The following TMEM218 variants were observed in gnomAD, a reference collection of about 807,000 sequenced individuals.
TMEM218 encodes the protein transmembrane protein 218.
TMEM218 carries 8 observed loss-of-function variants against 10.0 expected under a neutral mutation model. The ratio of observed to expected loss-of-function variants is 0.80; its 90% confidence interval spans 0.47 to 1.44. The LOEUF (loss-of-function observed/expected upper bound fraction) is 1.44. Among genes scored for constraint, TMEM218 ranks in the 40% most tolerant of loss-of-function variants. The pLI, the probability that TMEM218 is intolerant of heterozygous loss-of-function variation, is 0.00. For missense variants in TMEM218, 110 were observed against 140.1 expected (o/e 0.79, Z 1.08); for synonymous variants, 66 against 63.5 (o/e 1.04, Z -0.18).
rs1294729649 is a variant in TMEM218 at position 125,095,819 on chromosome 11, C to A, written c.*1787G>T. Among the ~76,000 whole-genome samples, 1 of 152,152 alleles carries A rather than the reference C, an allele frequency of 6.6e-6. No homozygotes were observed. The highest frequency in any genetic ancestry group is 1.5e-5 in the Non-Finnish European group (1 of 68,028). On this transcript the variant is annotated 3_prime_UTR_variant, in exon 5 of 5. Coordinates refer to ENST00000682305, the MANE Select transcript of TMEM218 (RefSeq NM_001258244.2). Reference sequence around the variant, plus strand: ...ATCCATTGATCTAATAGTTGAATAACTTTTGGGGGGAATAAAAAAGATGGA... The same window carrying A: ...ATCCATTGATCTAATAGTTGAATAAATTTTGGGGGGAATAAAAAAGATGGA...
chr11:125,097,812 G>C (rs1949890960), intron 4 of TMEM218, 72 bp from the exon 5 acceptor site: 27 of 1,468,926 alleles, frequency 1.8e-5, no homozygotes, highest in Admixed American at 3.8e-5. Context: ...TGAACTCCAT[G>C]ATGAGTGGGC....
intron 1 of TMEM218, among the ~76,000 whole-genome samples, chr11:125,106,039 GCAAATATTAA>G (rs1319303916): frequency 2.0e-5 from 3 of 151,850 alleles, no homozygotes; most frequent in African/African-American, 7.3e-5. Flanking sequence ...GACATGCAAA[GCAAATATTAA>G]CAAGACAAAA....
chr11:125,102,818 A>G lies in TMEM218; in HGVS notation c.-152-9T>C, dbSNP rs1951123916. The G allele has an allele frequency of 4.0e-6, 3 of 757,934 alleles. No individual in the cohort carries two copies. The highest frequency in any genetic ancestry group is 5.6e-6 in the Non-Finnish European group (3 of 533,808). 47.0% of individuals were successfully genotyped at this position (757,934 alleles called of 1,614,324 possible). On this transcript the variant is annotated splice_polypyrimidine_tract_variant and intron_variant, in intron 1 of 4. Coordinates refer to ENST00000682305, the MANE Select transcript of TMEM218 (RefSeq NM_001258244.2). Reference sequence around the variant, plus strand: ...GATGAAAACTCCCAGTCCTTAAAGAAGAGGAACAGCCATCACTATTTTTGA... The same window carrying G: ...GATGAAAACTCCCAGTCCTTAAAGAGGAGGAACAGCCATCACTATTTTTGA...
intron 1 of TMEM218, chr11:125,104,971 T>A (rs570707275): frequency 6.6e-6 from 1 of 152,316 alleles, no homozygotes; most frequent in Non-Finnish European, 1.5e-5. Context: ...TGGTGCCTGA[T>A]ACAGACCTTC....
chr11:125,111,022 C>T (rs893548961), intron 1 of TMEM218, among the ~76,000 whole-genome samples: 1 of 152,198 alleles, frequency 6.6e-6, no homozygotes, highest in Non-Finnish European at 1.5e-5. Flanking sequence ...AGCATCTGCT[C>T]TTAACACGTT....
At chr11:125,101,660 T>A in intron 3 of TMEM218, 2 of 616,416 alleles carry the variant, frequency 3.2e-6, no homozygotes, top group African/African-American at 1.9e-5. Context: ...ACTCTCTGCT[T>A]CATACTAACA....
In TMEM218 at chr11:125,101,757, A is replaced by C. The variant is rs1393390809; in HGVS notation, c.110+375T>G. The C allele has an allele frequency of 4.7e-5, 23 of 492,682 alleles. No individual in the cohort carries two copies. The East Asian group carries it at 7.5e-4, about 16-fold the overall frequency. The allele number at this position is 492,682 out of a possible 1,614,324, so 30.5% of individuals were successfully genotyped here. The stretch of plus-strand genomic sequence containing the variant: ...GAAGGCAATGCCTGATATAGAAAGC[A>C]GGCCCAACTCATCAAATGTTGCTTT... On this transcript the variant is annotated intron_variant, in intron 3 of 4. Transcript: ENST00000682305.
At chr11:125,101,503 T>C in intron 3 of TMEM218, 200 bp from the exon 4 acceptor site, 1 of 1,520,094 alleles carries the variant, frequency 6.6e-7, no homozygotes, top group Non-Finnish European at 8.8e-7. Flanking sequence ...TCCCATTTAT[T>C]CTTGGTAATT....
rs4935904 is a variant in TMEM218, at chr11:125,095,237, A to T, written c.*2369T>A. Among the ~76,000 whole-genome samples, 19,577 of 152,188 alleles carry T rather than the reference A, an allele frequency of 0.13. 2,025 individuals are homozygous for T. Among genetic ancestry groups the T allele is most frequent in the East Asian group, 0.61 (3,120 of 5,140 alleles). On this transcript the variant is annotated 3_prime_UTR_variant, in exon 5 of 5. Coordinates refer to ENST00000682305, the MANE Select transcript of TMEM218 (RefSeq NM_001258244.2). The stretch of plus-strand genomic sequence containing the variant: ...CACCTTCTAAACAGTGGGGATCACC[A>T]GTCTGCCACAGGATCCCCTCTGGGT...
intron 1 of TMEM218, chr11:125,103,922 A>G (rs902538900): frequency 6.6e-6 from 1 of 152,186 alleles, no homozygotes; most frequent in Non-Finnish European, 1.5e-5. Flanking sequence ...TGGTAAAAAA[A>G]ATACGTTTAT....
intron 1 of TMEM218, among the ~76,000 whole-genome samples, chr11:125,106,969 A>T (rs947151031): frequency 6.6e-6 from 1 of 152,210 alleles, no homozygotes; most frequent in African/African-American, 2.4e-5. Context: ...TCATTCATAC[A>T]GTATATAAAG....
chr11:125,111,287 G>C (rs1377276025), intron 1 of TMEM218, among the ~76,000 whole-genome samples: 4 of 152,218 alleles, frequency 2.6e-5, no homozygotes, highest in African/African-American at 9.6e-5. Flanking sequence ...AGGAGCTAGA[G>C]AGGGATTAAG....
chr11:125,100,819 G>A (rs1950595346), intron 4 of TMEM218, among the ~76,000 whole-genome samples: 1 of 152,148 alleles, frequency 6.6e-6, no homozygotes, highest in African/African-American at 2.4e-5. Flanking sequence ...TAGGAGCCCA[G>A]GCTGCCAGGA....
At chr11:125,101,611 CTGT>C (rs1402358225) in intron 3 of TMEM218, 2 of 834,782 alleles carry the variant, frequency 2.4e-6, no homozygotes, top group Non-Finnish European at 3.6e-6. Flanking sequence ...ACCTCCACTT[CTGT>C]TGTTTTTAGA....
chr11:125,110,909 T>C (rs1953783910), intron 1 of TMEM218, among the ~76,000 whole-genome samples: 1 of 151,484 alleles, frequency 6.6e-6, no homozygotes, highest in African/African-American at 2.4e-5. Context: ...TCACTATCTT[T>C]TGAATTTTAA....
intron 2 of TMEM218, 58 bp downstream of exon 2, chr11:125,102,676 G>A: frequency 1.5e-6 from 2 of 1,292,356 alleles, no homozygotes; most frequent in Non-Finnish European, 2.0e-6. Flanking sequence ...GGGAACTCCA[G>A]GGCCAAAGCA....
At chr11:125,100,908 G>A (rs1950613382) in intron 4 of TMEM218, among the ~76,000 whole-genome samples, 1 of 152,098 alleles carries the variant, frequency 6.6e-6, no homozygotes, top group Non-Finnish European at 1.5e-5. Context: ...CATGGTACGA[G>A]GTGGCTTTCC....
chr11:125,109,012 C>T (rs1298258445), intron 1 of TMEM218, among the ~76,000 whole-genome samples: 2 of 152,178 alleles, frequency 1.3e-5, no homozygotes, highest in Admixed American at 1.3e-4. Context: ...GTTCTAGACA[C>T]AGTCTTGCAT....
Position 125,095,786 on chromosome 11 carries a change from T to C in TMEM218, c.*1820A>G, listed in dbSNP as rs1467541316. 3.3e-5 allele frequency among the ~76,000 whole-genome samples: 5 copies of C among 152,208 alleles called. No homozygotes were observed. Among genetic ancestry groups the C allele is most frequent in the Non-Finnish European group, 5.9e-5 (4 of 68,032 alleles). ...ATCTAAATAGTCACCCAAAACCTCATAGTTATTATCCATTGATCTAATAGT... is the reference window on the plus strand; with the variant it reads ...ATCTAAATAGTCACCCAAAACCTCACAGTTATTATCCATTGATCTAATAGT... On this transcript the variant is annotated 3_prime_UTR_variant, in exon 5 of 5. Transcript: ENST00000682305.
Sources: gnomAD v4.1 joint callset for allele counts (sites outside exome capture counted in the v4.1 genomes callset) on GRCh38, gnomAD v4.1.1 for gene constraint, MANE v1.5 for transcripts, NCBI Gene and HGNC (gene_info 2026-07-23, HGNC 2026-07-21) for gene names.